The following SHISA9 variants were observed in gnomAD, a reference collection of about 807,000 sequenced individuals.
SHISA9 encodes the protein protein shisa-9.
SHISA9 carries 13 observed loss-of-function variants against 38.0 expected under a neutral mutation model. That is an observed-to-expected ratio of 0.34 (90% confidence interval 0.22 to 0.54). SHISA9 has a LOEUF of 0.54. SHISA9 is among the 20% of genes least tolerant of loss of function. The probability of loss-of-function intolerance (pLI) is 0.91; values close to 1 mark genes in which losing one functional copy is unlikely to be tolerated. For missense variants in SHISA9, 538 were observed against 575.8 expected, an observed-to-expected ratio of 0.93 and a Z score of 0.67; for synonymous variants, 275 against 242.0, an observed-to-expected ratio of 1.14 and a Z score of -1.27.
intron 2 of SHISA9, among the ~76,000 whole-genome samples, chr16:13,193,635 C>T (rs8049342): frequency 0.51 from 77,015 of 152,080 alleles, 20,762 homozygotes; most frequent in African/African-American, 0.7. Flanking sequence ...CATGAGCCAC[C>T]GCGCCTGGCC....
chr16:13,156,673 G>T (rs541713511), intron 2 of SHISA9, among the ~76,000 whole-genome samples: 1 of 149,488 alleles, frequency 6.7e-6, no homozygotes, highest in East Asian at 2.0e-4. Context: ...GGTGGAGCTC[G>T]CAGTAAGCTG....
intron 2 of SHISA9, among the ~76,000 whole-genome samples, chr16:13,018,042 C>T (rs1047667638): frequency 1.3e-5 from 2 of 152,224 alleles, no homozygotes; most frequent in South Asian, 4.1e-4. Context: ...TTCACTCTTA[C>T]CTAAATCCTG....
intron 2 of SHISA9, among the ~76,000 whole-genome samples, chr16:13,121,410 T>C (rs2050209526): frequency 6.6e-6 from 1 of 152,072 alleles, no homozygotes; most frequent in South Asian, 2.1e-4. Flanking sequence ...AAGGATTGCT[T>C]GAACACAAGT....
chr16:13,410,645 A>G, the SHISA9 span, among the ~76,000 whole-genome samples: 1 of 152,326 alleles, frequency 6.6e-6, no homozygotes, highest in African/African-American at 2.4e-5. Flanking sequence ...AACACTGGAG[A>G]GCTAAGTTGG....
At position 12,902,544 on chromosome 16, in the gene SHISA9, G is replaced by T; in HGVS notation, c.480G>T (p.Val160=). The part of the protein sequence containing the change: ...TNLIVYIICG[V]VAVMVLVGIF... Reference sequence around the variant, plus strand: ...TGATCGTCTACATCATCTGCGGGGTGGTGGCCGTCATGGTGCTCGTGGGCA... The same window carrying T: ...TGATCGTCTACATCATCTGCGGGGTTGTGGCCGTCATGGTGCTCGTGGGCA... The change falls in exon 1 of 5, where the codon GTG becomes GTT. Residue 160 remains valine (V), a synonymous_variant. Coordinates refer to ENST00000558583, the MANE Select transcript of SHISA9 (RefSeq NM_001145204.3). 1.3e-6 allele frequency: 2 copies of T among 1,551,352 alleles called. No homozygotes were observed. The highest frequency in any genetic ancestry group is 1.7e-6 in the Non-Finnish European group (2 of 1,147,000).
chr16:13,469,411 A>AAGAG, the SHISA9 span, among the ~76,000 whole-genome samples: 1 of 127,300 alleles, frequency 7.9e-6, no homozygotes, highest in African/African-American at 3.2e-5. Flanking sequence ...GAAAGAAAGA[A>AAGAG]AGAAAGAAAG....
chr16:13,095,940 C>A (rs1345569527), intron 2 of SHISA9, among the ~76,000 whole-genome samples: 2 of 152,164 alleles, frequency 1.3e-5, no homozygotes, highest in Non-Finnish European at 2.9e-5. Flanking sequence ...CCGAGAATTT[C>A]CAGTTGTAGT....
At chr16:13,194,046 C>T (rs770134448) in intron 2 of SHISA9, among the ~76,000 whole-genome samples, 8 of 152,250 alleles carry the variant, frequency 5.3e-5, no homozygotes, top group Non-Finnish European at 1.2e-4. Context: ...GAGGGAAAGT[C>T]GGTGACATGA....
chr16:12,987,730 C>T (rs2072331313), intron 2 of SHISA9, among the ~76,000 whole-genome samples: 1 of 152,266 alleles, frequency 6.6e-6, no homozygotes, highest in South Asian at 2.1e-4. Flanking sequence ...GCATGTGTAT[C>T]CCAGAACTTA....
chr16:13,286,974 G>T, the SHISA9 span, among the ~76,000 whole-genome samples: 4 of 152,080 alleles, frequency 2.6e-5, no homozygotes, highest in Non-Finnish European at 4.4e-5. Flanking sequence ...GTATATGATT[G>T]TGTATTTTTG....
At chr16:13,208,565 T>C (rs2051089589) in intron 3 of SHISA9, among the ~76,000 whole-genome samples, 1 of 151,758 alleles carries the variant, frequency 6.6e-6, no homozygotes, top group Non-Finnish European at 1.5e-5. Flanking sequence ...TTGAGAGAAT[T>C]GGACATGCAC....
At chr16:13,180,428 G>C (rs1012653269) in intron 2 of SHISA9, among the ~76,000 whole-genome samples, 1 of 152,188 alleles carries the variant, frequency 6.6e-6, no homozygotes, top group Non-Finnish European at 1.5e-5. Flanking sequence ...GCCAGGCACC[G>C]TGGCTCACAC....
chr16:13,067,959 C>T (rs1053052854), intron 2 of SHISA9, among the ~76,000 whole-genome samples: 6 of 152,262 alleles, frequency 3.9e-5, no homozygotes, highest in Non-Finnish European at 8.8e-5. Context: ...CACCATGCTA[C>T]ACTGATGTCA....
chr16:13,486,796 C>T, the SHISA9 span, among the ~76,000 whole-genome samples: 1 of 152,204 alleles, frequency 6.6e-6, no homozygotes. Flanking sequence ...ACTCCATCTC[C>T]CAGGTTCAAG....
At chr16:13,294,571 A>G in the SHISA9 span, among the ~76,000 whole-genome samples, 2 of 152,202 alleles carry the variant, frequency 1.3e-5, no homozygotes, top group Admixed American at 6.5e-5. Flanking sequence ...TGGCCACATC[A>G]GGGGAAAGAA....
chr16:13,450,339 A>G, the SHISA9 span, among the ~76,000 whole-genome samples: 2 of 152,224 alleles, frequency 1.3e-5, no homozygotes, highest in African/African-American at 4.8e-5. Flanking sequence ...CATGGTGAGC[A>G]TCTGATAAGT....
chr16:13,073,975 T>G (rs543634678), intron 2 of SHISA9, among the ~76,000 whole-genome samples: 112 of 149,282 alleles, frequency 7.5e-4, no homozygotes, highest in Non-Finnish European at 1.3e-3. Context: ...TTTTGTTTTT[T>G]TTTTTTGTGG....
At chr16:13,393,676 ACTGTGTG>A in the SHISA9 span, among the ~76,000 whole-genome samples, 1 of 152,008 alleles carries the variant, frequency 6.6e-6, no homozygotes, top group Non-Finnish European at 1.5e-5. Context: ...TTTATAAAAG[ACTGTGTG>A]AGCCTTGGCT....
chr16:13,410,830 C>A, the SHISA9 span, among the ~76,000 whole-genome samples: 1 of 152,146 alleles, frequency 6.6e-6, no homozygotes, highest in Non-Finnish European at 1.5e-5. Context: ...GAAAAGGATA[C>A]TATCTGTGGG....
Sources: allele counts gnomAD v4.1 joint callset (sites outside exome capture counted in the v4.1 genomes callset), GRCh38; gene constraint gnomAD v4.1.1; transcripts MANE v1.5; gene names NCBI Gene and HGNC (gene_info 2026-07-23, HGNC 2026-07-21).